The following SUGCT variants were observed in gnomAD, a reference collection of about 807,000 sequenced individuals.
The protein encoded by SUGCT is succinyl-CoA:glutarate CoA-transferase.
A neutral mutation model predicts 55.0 loss-of-function variants in SUGCT; 41 were observed. The ratio of observed to expected loss-of-function variants is 0.74; its 90% CI spans 0.58 to 0.97. The LOEUF (loss-of-function observed/expected upper bound fraction) is 0.97. Ranked by LOEUF, SUGCT falls within the 50% of genes least tolerant of loss-of-function variation. SUGCT has a pLI of 0.00. For missense variants in SUGCT, 568 were observed against 547.8 expected, an observed-to-expected ratio of 1.04 and a Z score of -0.37; for synonymous variants, 187 against 200.4, an observed-to-expected ratio of 0.93 and a Z score of 0.56.
chr7:40,683,678 C>G (rs1232690148), intron 12 of SUGCT, among the ~76,000 whole-genome samples: 1 of 152,182 alleles, frequency 6.6e-6, no homozygotes, highest in Non-Finnish European at 1.5e-5. Context: ...ATGAGACAAT[C>G]TCTGCAGTGA....
At chr7:40,633,467 G>A (rs1213651983) in intron 12 of SUGCT, among the ~76,000 whole-genome samples, 1 of 152,266 alleles carries the variant, frequency 6.6e-6, no homozygotes, top group African/African-American at 2.4e-5. Flanking sequence ...TGTTCACAAT[G>A]AACTGACATG....
At chr7:41,010,967 A>AAAAC in the SUGCT span, among the ~76,000 whole-genome samples, 9 of 152,202 alleles carry the variant, frequency 5.9e-5, no homozygotes, top group Non-Finnish European at 1.0e-4. Flanking sequence ...GAATGGTTAA[A>AAAAC]AAACAAACAA....
At chr7:40,401,540 T>A (rs1786067240) in intron 9 of SUGCT, among the ~76,000 whole-genome samples, 1 of 152,164 alleles carries the variant, frequency 6.6e-6, no homozygotes, top group Admixed American at 6.5e-5. Context: ...TGTTAAACTG[T>A]GAGCATTCAG....
chr7:40,272,560 A>T (rs998463106), intron 7 of SUGCT, among the ~76,000 whole-genome samples: 1 of 151,452 alleles, frequency 6.6e-6, no homozygotes, highest in Admixed American at 6.6e-5. Flanking sequence ...TGCAGTAACC[A>T]TGGGAGTGCA....
At chr7:41,010,883 G>A in the SUGCT span, among the ~76,000 whole-genome samples, 68 of 152,320 alleles carry the variant, frequency 4.5e-4, 1 homozygote, top group South Asian at 0.013. Context: ...GACCTGGAAC[G>A]AAATTAATCC....
chr7:40,811,475 C>A (rs1791411261), intron 13 of SUGCT, among the ~76,000 whole-genome samples: 1 of 151,938 alleles, frequency 6.6e-6, no homozygotes, highest in African/African-American at 2.4e-5. Flanking sequence ...TTGTAGAGCT[C>A]TTTTTTGTCC....
In SUGCT at chr7:40,224,399, C is replaced by CGTGTGTGTGT. The variant is rs61318990; in HGVS notation, c.485-13214_485-13205dup. ...CTTCTAGGATTTAGGATAATCTGTG[C>CGTGTGTGTGT]GTGTGTGTGTGTGTGTGTGTGTGTG... On this transcript the variant is annotated intron_variant, in intron 6 of 13. Coordinates refer to ENST00000335693, the MANE Select transcript of SUGCT (RefSeq NM_001193313.2). Among the ~76,000 whole-genome samples, 10 of 145,478 alleles carry CGTGTGTGTGT rather than the reference C, an allele frequency of 6.9e-5. No individual in the cohort carries two copies. In the South Asian group the frequency reaches 1.8e-3, roughly 26 times the overall value.
chr7:40,984,147 G>A, the SUGCT span, among the ~76,000 whole-genome samples: 2 of 152,034 alleles, frequency 1.3e-5, no homozygotes. Flanking sequence ...AATGAAAGGT[G>A]GGCCTTCTTC....
At chr7:40,448,258 C>T (rs1788968351) in intron 9 of SUGCT, among the ~76,000 whole-genome samples, 1 of 138,090 alleles carries the variant, frequency 7.2e-6, no homozygotes, top group Non-Finnish European at 1.6e-5. Context: ...TCCTTCCTTC[C>T]TTCCTTCTCC....
chr7:40,257,224 T>G (rs1790871804), intron 7 of SUGCT, among the ~76,000 whole-genome samples: 1 of 152,120 alleles, frequency 6.6e-6, no homozygotes, highest in Non-Finnish European at 1.5e-5. Flanking sequence ...TTGTATTCTA[T>G]TTTTTAATTT....
the SUGCT span, among the ~76,000 whole-genome samples, chr7:40,923,721 G>T: frequency 6.6e-6 from 1 of 152,122 alleles, no homozygotes; most frequent in African/African-American, 2.4e-5. Flanking sequence ...ATGGTATTTG[G>T]TGTTTCAGAT....
the SUGCT span, among the ~76,000 whole-genome samples, chr7:40,943,762 C>T: frequency 6.6e-6 from 1 of 151,988 alleles, no homozygotes; most frequent in African/African-American, 2.4e-5. Context: ...GTCTTTATAG[C>T]AGCGTGATTT....
At chr7:40,185,549 T>G (rs991359837) in intron 3 of SUGCT, among the ~76,000 whole-genome samples, 5 of 152,166 alleles carry the variant, frequency 3.3e-5, no homozygotes, top group African/African-American at 4.8e-5. Flanking sequence ...GAGACAGACT[T>G]TTCGCTCTTC....
chr7:40,145,212 A>G (rs531379419), intron 1 of SUGCT, among the ~76,000 whole-genome samples: 1 of 152,318 alleles, frequency 6.6e-6, no homozygotes, highest in South Asian at 2.1e-4. Context: ...CTACATTCTT[A>G]TGCCTCATTA....
the SUGCT span, among the ~76,000 whole-genome samples, chr7:40,904,213 A>G: frequency 1.3e-5 from 2 of 152,206 alleles, no homozygotes; most frequent in Non-Finnish European, 1.5e-5. Context: ...AGTTTGCACC[A>G]TCAGAAACAT....
At chr7:40,488,026 T>G (rs1791475514) in intron 11 of SUGCT, among the ~76,000 whole-genome samples, 1 of 151,930 alleles carries the variant, frequency 6.6e-6, no homozygotes, top group South Asian at 2.1e-4. Context: ...TGCTCTTTTT[T>G]TTTTTGGAAG....
chr7:41,011,438 A>G, the SUGCT span, among the ~76,000 whole-genome samples: 12,763 of 152,284 alleles, frequency 0.084, 1,057 homozygotes, highest in African/African-American at 0.2. Context: ...TTCTGCTAGT[A>G]TGATTTATTT....
intron 12 of SUGCT, among the ~76,000 whole-genome samples, chr7:40,558,910 T>C (rs914387334): frequency 6.6e-6 from 1 of 152,214 alleles, no homozygotes; most frequent in African/African-American, 2.4e-5. Flanking sequence ...CTGTGAATTG[T>C]CTATAAGCAT....
At chr7:40,966,822 A>G in the SUGCT span, 1 of 152,220 alleles carries the variant, frequency 6.6e-6, no homozygotes, top group South Asian at 2.1e-4. Context: ...ACATAGAGGA[A>G]TAGACTGCCA....
Sources: allele counts gnomAD v4.1 joint callset (sites outside exome capture counted in the v4.1 genomes callset), GRCh38; gene constraint gnomAD v4.1.1; transcripts MANE v1.5; gene names NCBI Gene and HGNC (gene_info 2026-07-23, HGNC 2026-07-21).